Variants in MLLT1 observed in about 807,000 individuals in gnomAD.
The protein encoded by MLLT1 is MLLT1 super elongation complex subunit.
MLLT1 carries 11 observed loss-of-function variants against 55.1 expected under a neutral mutation model. The ratio of observed to expected loss-of-function variants is 0.20; its 90% confidence interval spans 0.13 to 0.33. The LOEUF is 0.33. Ranked by LOEUF, MLLT1 falls within the 10% of genes least tolerant of loss-of-function variation. The pLI is 1.00. For missense variants in MLLT1, 536 were observed against 760.6 expected (o/e 0.70, Z 3.47); for synonymous variants, 323 against 320.1 (o/e 1.01, Z -0.10).
At chr19:6,255,692 T>C (rs908901683) in intron 3 of MLLT1, among the ~76,000 whole-genome samples, 1 of 152,198 alleles carries the variant, frequency 6.6e-6, no homozygotes, top group Non-Finnish European at 1.5e-5. Context: ...CCTATCAAAA[T>C]TCCAATATAA....
rs947523548 is a variant in MLLT1 at position 6,225,282 on chromosome 19, G to A, written c.546+1695C>T. ...CAGCTGCACTCACCAGCAGTCCCCCGGCCTGGGGATTCTGATGGGCAAGGC... is the reference window on the plus strand; with the variant it reads ...CAGCTGCACTCACCAGCAGTCCCCCAGCCTGGGGATTCTGATGGGCAAGGC... On this transcript the variant is annotated intron_variant, in intron 5 of 11. Coordinates refer to ENST00000252674, the MANE Select transcript of MLLT1 (RefSeq NM_005934.4). Among the ~76,000 whole-genome samples, 6 of 152,210 alleles carry A rather than the reference G, an allele frequency of 3.9e-5. 1 individual carries two copies. The highest frequency in any genetic ancestry group is 7.3e-5 in the Non-Finnish European group (5 of 68,028).
In MLLT1 at chr19:6,231,527, T is replaced by C. The variant is rs2091010316; in HGVS notation, c.277-814A>G. On this transcript the variant is annotated intron_variant, in intron 3 of 11. Transcript: ENST00000252674. The surrounding 1 kb of genome is among the most constrained non-coding windows in gnomAD (Gnocchi z 5.1). ...AATTTCGAAGCAAGACATTTTTTTT[T>C]TTGAGATGGAGTCTTGCTCTGTTGC... Among the ~76,000 whole-genome samples the C allele has an allele frequency of 6.6e-6, 1 of 152,050 alleles. No individual in the cohort carries two copies. Among genetic ancestry groups the C allele is most frequent in the Non-Finnish European group, 1.5e-5 (1 of 67,996 alleles).
At position 6,270,980 on chromosome 19, in the gene MLLT1, C is replaced by A. The variant is rs1393593902; in HGVS notation, c.13-221G>T. Among the ~76,000 whole-genome samples the A allele has an allele frequency of 6.6e-6, 1 of 152,158 alleles. No homozygotes were observed. The highest frequency in any genetic ancestry group is 6.5e-5 in the Admixed American group (1 of 15,284). ...CCCACACAGACCCCGTGTCTCCTCT[C>A]ATCCACCGCCTCATCCTCAATTCCA... is the stretch of plus-strand genomic sequence containing the variant. On this transcript the variant is annotated intron_variant, in intron 1 of 11. Coordinates refer to ENST00000252674, the MANE Select transcript of MLLT1 (RefSeq NM_005934.4). The surrounding 1 kb of genome is among the most constrained non-coding windows in gnomAD (Gnocchi z 7.1).
At position 6,218,051 on chromosome 19, in the gene MLLT1, A is replaced by G. The variant is rs757329434; in HGVS notation, c.1111-10T>C. On this transcript the variant is annotated splice_polypyrimidine_tract_variant and intron_variant, in intron 6 of 11. Transcript: ENST00000252674. ...GGCTTGACTGGGCAGACTTCACCCA[A>G]TGGTGGGATGGGCAGGGAGGGGAGA... 52 of 1,601,628 alleles carry G rather than the reference A, an allele frequency of 3.2e-5. No individual in the cohort carries two copies. Among genetic ancestry groups the G allele is most frequent in the Middle Eastern group, 1.7e-4 (1 of 6,044 alleles).
chr19:6,257,702 G>A (rs1328148635), intron 3 of MLLT1, among the ~76,000 whole-genome samples: 3 of 152,120 alleles, frequency 2.0e-5, no homozygotes, highest in African/African-American at 4.8e-5. Context: ...TCGGGAGGCT[G>A]AGGGAGGAAA....
At position 6,222,697 on chromosome 19, in the gene MLLT1, G is replaced by C. The variant is rs371173141; in HGVS notation, c.547-13C>G. On this transcript the variant is annotated splice_polypyrimidine_tract_variant and intron_variant, in intron 5 of 11. Coordinates refer to ENST00000252674, the MANE Select transcript of MLLT1 (RefSeq NM_005934.4). The surrounding 1 kb of genome is among the most constrained non-coding windows in gnomAD (Gnocchi z 4.1). ...CCTTGTTGGCGTCCTGCAAGGCCAA[G>C]AGCAGGGAGGGCAAGGGGAGAGACA... 1.4e-5 allele frequency: 21 copies of C among 1,511,940 alleles called. No individual in the cohort carries two copies. Among genetic ancestry groups the C allele is most frequent in the Non-Finnish European group, 1.9e-5 (21 of 1,134,178 alleles). The allele number at this position is 1,511,940 out of a possible 1,614,324, so 93.7% of individuals were successfully genotyped here.
intron 1 of MLLT1, among the ~76,000 whole-genome samples, chr19:6,275,712 C>A (rs2091424283): frequency 6.6e-6 from 1 of 152,140 alleles, no homozygotes; most frequent in Non-Finnish European, 1.5e-5. Context: ...TCCCTCTGAC[C>A]CAAGGCACAA....
intron 3 of MLLT1, among the ~76,000 whole-genome samples, chr19:6,253,940 T>C (rs535849908): frequency 6.6e-4 from 100 of 152,314 alleles, no homozygotes; most frequent in African/African-American, 2.3e-3. Context: ...GTTTTAATAT[T>C]GGGTCTTAGT....
rs1408542846 is a variant in MLLT1, at chr19:6,222,565, C to T, written c.666G>A (p.Gln222=). ...KSSSKELERE[Q]AKSSKDTSRK... ...GCGAGGTGTCCTTGGAGCTTTTGGC[C>T]TGCTCACGCTCCAGCTCCTTGGAGG... Residue 222 remains glutamine, a synonymous_variant, in exon 6 of 12, where the codon CAG becomes CAA. Coordinates refer to ENST00000252674, the MANE Select transcript of MLLT1 (RefSeq NM_005934.4). This position sits in a 1 kb window ranked among gnomAD's most constrained non-coding sequence, Gnocchi z 4.1. The T allele has an allele frequency of 6.2e-7, 1 of 1,601,204 alleles. No individual in the cohort carries two copies.
intron 3 of MLLT1, among the ~76,000 whole-genome samples, chr19:6,248,823 G>A (rs1201778066): frequency 1.3e-5 from 2 of 152,222 alleles, no homozygotes; most frequent in African/African-American, 4.8e-5. Flanking sequence ...CCATGGTTAT[G>A]TGAGATGTTA....
chr19:6,230,484 C>T lies in MLLT1; in HGVS notation c.420+86G>A, dbSNP rs569944647. The T allele has an allele frequency of 2.5e-5, 39 of 1,535,830 alleles. No individual in the cohort carries two copies. The highest frequency in any genetic ancestry group is 2.2e-4 in the African/African-American group (16 of 72,726). On this transcript the variant is annotated intron_variant, in intron 4 of 11. Transcript: ENST00000252674. The surrounding 1 kb of genome is among the most constrained non-coding windows in gnomAD (Gnocchi z 9.0). ...CGCCTTGGGTCTCGGCCCCCAGCAC[C>T]GACACCTCTGGCTGGGCACAGACGG...
chr19:6,254,246 T>TCCGAGAGCTTCCAGGCTGGC (rs2091241114), intron 3 of MLLT1, among the ~76,000 whole-genome samples: 1 of 152,206 alleles, frequency 6.6e-6, no homozygotes, highest in South Asian at 2.1e-4. Flanking sequence ...ACAAAGGGGT[T>TCCGAGAGCTTCCAGGCTGGC]CCGAGAGCTT....
At chr19:6,261,196 G>A (rs992776884) in intron 3 of MLLT1, among the ~76,000 whole-genome samples, 9 of 152,218 alleles carry the variant, frequency 5.9e-5, no homozygotes. Context: ...GGCAGGTTCG[G>A]CTCTTCTCCC....
At chr19:6,242,837 C>T (rs1285799906) in intron 3 of MLLT1, among the ~76,000 whole-genome samples, 7 of 152,132 alleles carry the variant, frequency 4.6e-5, no homozygotes, top group Non-Finnish European at 1.0e-4. Flanking sequence ...GGCTGCGAGC[C>T]GACACCGGCC....
chr19:6,213,518 C>G, intron 10 of MLLT1, 110 bp from the exon 11 acceptor site: 1 of 1,113,904 alleles, frequency 9.0e-7, no homozygotes, highest in Non-Finnish European at 1.4e-6. Flanking sequence ...ACAGAGGTAG[C>G]CACATCCAAA....
intron 5 of MLLT1, among the ~76,000 whole-genome samples, chr19:6,225,443 G>A (rs1313595717): frequency 1.3e-5 from 2 of 152,226 alleles, no homozygotes; most frequent in Non-Finnish European, 2.9e-5. Flanking sequence ...AGCTGGGGAA[G>A]AGGCCGGTTC....
intron 5 of MLLT1, among the ~76,000 whole-genome samples, chr19:6,224,000 G>A (rs935693637): frequency 6.6e-6 from 1 of 152,206 alleles, no homozygotes; most frequent in African/African-American, 2.4e-5. Context: ...GGAGCAGTGA[G>A]AGTACCAGGG....
Position 6,227,281 on chromosome 19 carries a change from A to G in MLLT1, c.421-179T>C, listed in dbSNP as rs932613927. ...GACTGGGTGCTGAGCACGCAGAAGA[A>G]GCAGGCATGGGTGGGGAGCGAAGAA... On this transcript the variant is annotated intron_variant, in intron 4 of 11. Coordinates refer to ENST00000252674, the MANE Select transcript of MLLT1 (RefSeq NM_005934.4). This position sits in a 1 kb window ranked among gnomAD's most constrained non-coding sequence, Gnocchi z 5.1. 6.6e-6 allele frequency among the ~76,000 whole-genome samples: 1 copy of G among 152,144 alleles called. No homozygotes were observed. Among genetic ancestry groups the G allele is most frequent in the Non-Finnish European group, 1.5e-5 (1 of 68,038 alleles).
chr19:6,251,782 AG>A (rs2091217020), intron 3 of MLLT1, among the ~76,000 whole-genome samples: 1 of 149,130 alleles, frequency 6.7e-6, no homozygotes, highest in Admixed American at 6.7e-5. Flanking sequence ...AAAAAAAAAA[AG>A]AAAGAAAGAA....
Sources: gnomAD v4.1 joint callset for allele counts (sites outside exome capture counted in the v4.1 genomes callset) on GRCh38, gnomAD v4.1.1 for gene constraint, Gnocchi (gnomAD v3.1) non-coding constraint, MANE v1.5 for transcripts, NCBI Gene and HGNC (gene_info 2026-07-23, HGNC 2026-07-21) for gene names.